Variants in FANK1 observed in about 807,000 individuals in gnomAD.
FANK1 encodes the protein fibronectin type 3 and ankyrin repeat domains protein 1.
A neutral mutation model predicts 45.3 loss-of-function variants in FANK1; 44 were observed. The observed-to-expected ratio is 0.97, with a 90% confidence interval of 0.76 to 1.25. FANK1 has a LOEUF of 1.25. Among genes scored for constraint, FANK1 ranks in the 50% most tolerant of loss-of-function variants. The pLI, the probability that FANK1 is intolerant of heterozygous loss-of-function variation, is 0.00. For missense variants in FANK1, 391 were observed against 424.4 expected, an observed-to-expected ratio of 0.92 and a Z score of 0.69; for synonymous variants, 149 against 152.5, an observed-to-expected ratio of 0.98 and a Z score of 0.17.
chr10:125,953,826 TCTGTGC>T (rs1217671113), intron 1 of FANK1, among the ~76,000 whole-genome samples: 1 of 152,182 alleles, frequency 6.6e-6, no homozygotes, highest in Non-Finnish European at 1.5e-5. Context: ...GGCCTTTGTG[TCTGTGC>T]CTGTAACATG....
intron 1 of FANK1, among the ~76,000 whole-genome samples, chr10:125,914,483 G>C (rs1432401760): frequency 1.3e-5 from 2 of 152,094 alleles, no homozygotes; most frequent in Non-Finnish European, 1.5e-5. Context: ...GCTGGACTGA[G>C]AACTTGTGGA....
intron 3 of FANK1, chr10:125,994,273 T>C: frequency 2.0e-6 from 1 of 508,348 alleles, no homozygotes; most frequent in Non-Finnish European, 2.5e-6. Context: ...AATAACAGGC[T>C]GAAAGCAGGC....
In FANK1 at chr10:126,008,415, C is replaced by T. The variant is rs745846336; in HGVS notation, c.714C>T (p.Val238=). ...WMIKDGCEVD[V]VDTGSGWTPL... ...TTTCTCTGGCCCAACAGGTAGACGT[C>T]GTGGACACTGGTTCAGGATGGACCC... Residue 238 remains valine (V), a synonymous_variant, in exon 8 of 11, where the codon GTC becomes GTT. Transcript: ENST00000368693. 49 of 1,602,632 alleles carry T rather than the reference C, an allele frequency of 3.1e-5. No individual in the cohort carries two copies. The highest frequency in any genetic ancestry group is 3.8e-5 in the Non-Finnish European group (45 of 1,175,628).
intron 6 of FANK1, among the ~76,000 whole-genome samples, chr10:125,997,743 G>C (rs903879764): frequency 1.3e-5 from 2 of 152,236 alleles, no homozygotes; most frequent in African/African-American, 4.8e-5. Context: ...CCTGTGCCCA[G>C]TGGACACGCA....
At chr10:125,947,530 A>G (rs1948896543) in intron 1 of FANK1, among the ~76,000 whole-genome samples, 1 of 151,098 alleles carries the variant, frequency 6.6e-6, no homozygotes, top group Non-Finnish European at 1.5e-5. Context: ...CCATTACATA[A>G]TGGTAAAGGG....
chr10:125,934,722 CCGTT>C (rs1298624040), intron 1 of FANK1, among the ~76,000 whole-genome samples: 1 of 122,978 alleles, frequency 8.1e-6, no homozygotes, highest in African/African-American at 3.2e-5. Flanking sequence ...TGTACCCCTA[CCGTT>C]TTTTTTTTTT....
At chr10:125,905,297 T>C in intron 1 of FANK1, among the ~76,000 whole-genome samples, 1 of 152,298 alleles carries the variant, frequency 6.6e-6, no homozygotes, top group African/African-American at 2.4e-5. Context: ...AAAAAAAATC[T>C]GTCCCTAAAA....
rs141163159 is a variant in FANK1, at chr10:125,930,663, T to C, written c.13+34008T>C. 2.2e-3 allele frequency among the ~76,000 whole-genome samples: 339 copies of C among 152,290 alleles called. 2 individuals carry two copies. Among genetic ancestry groups the C allele is most frequent in the African/African-American group, 7.9e-3 (328 of 41,550 alleles). ...ATCTTCATTGTTCTTCAGTGTCACC[T>C]TTATTATAAATCAAGTACTATATAC... On this transcript the variant is annotated intron_variant, in intron 1 of 10. Transcript: ENST00000368693.
In FANK1 at chr10:126,008,542, C is replaced by T; in HGVS notation, c.841C>T (p.Pro281Ser). The T allele has an allele frequency of 1.2e-6, 2 of 1,609,656 alleles. No homozygotes were observed. The highest frequency in any genetic ancestry group is 2.2e-5 in the South Asian group (2 of 90,008). Residue 281 changes from proline (P) to serine (S), a missense_variant, in exon 8 of 11, where the codon CCC becomes TCC. Physicochemically the swap from Pro to Ser is moderately conservative, Grantham distance 74. Transcript: ENST00000368693. ...VNVKDRNGKT[P>S]LMVAVLNNHE... ...TGTGAAGGACAGAAATGGAAAGACG[C>T]CCCTTATGGTAGGTCCTCCTCCCGA... is the stretch of plus-strand genomic sequence containing the variant.
chr10:125,913,246 C>T (rs1589820432), intron 1 of FANK1, among the ~76,000 whole-genome samples: 1 of 152,168 alleles, frequency 6.6e-6, no homozygotes, highest in East Asian at 1.9e-4. Context: ...CTACATTTTG[C>T]TTGTTGCTCA....
chr10:125,928,099 T>C (rs1947493693), intron 1 of FANK1, among the ~76,000 whole-genome samples: 2 of 152,032 alleles, frequency 1.3e-5, no homozygotes, highest in African/African-American at 2.4e-5. Context: ...CAAGAAAGAA[T>C]TCAGGGCGAG....
chr10:125,957,644 C>T (rs1949663807), intron 1 of FANK1, among the ~76,000 whole-genome samples: 1 of 152,090 alleles, frequency 6.6e-6, no homozygotes, highest in Non-Finnish European at 1.5e-5. Context: ...CATGCCTCAG[C>T]CTCCCGAGAA....
chr10:125,919,464 T>C (rs370288409), intron 1 of FANK1, among the ~76,000 whole-genome samples: 2 of 151,550 alleles, frequency 1.3e-5, no homozygotes, highest in Non-Finnish European at 1.5e-5. Context: ...CCTTGGCCTC[T>C]CAAAGTGCTG....
intron 1 of FANK1, among the ~76,000 whole-genome samples, chr10:125,936,315 A>C (rs1163427823): frequency 1.3e-5 from 2 of 151,922 alleles, no homozygotes; most frequent in Non-Finnish European, 2.9e-5. Context: ...TCCTTAACTG[A>C]AATTTAAACA....
intron 1 of FANK1, among the ~76,000 whole-genome samples, chr10:125,920,206 G>GA (rs1946846859): frequency 6.6e-6 from 1 of 152,132 alleles, no homozygotes; most frequent in African/African-American, 2.4e-5. Flanking sequence ...GACATAGGCC[G>GA]AAAAAATTGG....
At chr10:125,939,935 T>C (rs1273743046) in intron 1 of FANK1, among the ~76,000 whole-genome samples, 10 of 139,890 alleles carry the variant, frequency 7.1e-5, no homozygotes, top group Non-Finnish European at 1.3e-4. Context: ...ATTATTATTA[T>C]TTTTTTTTTT....
chr10:125,912,481 TG>T (rs1946101894), intron 1 of FANK1, among the ~76,000 whole-genome samples: 5 of 129,780 alleles, frequency 3.9e-5, no homozygotes, highest in Admixed American at 7.5e-5. Flanking sequence ...TGTGTGTGTG[TG>T]TGTGTTTTTG....
At chr10:125,995,563 G>C in intron 4 of FANK1, 65 bp downstream of exon 4, 1 of 1,443,880 alleles carries the variant, frequency 6.9e-7, no homozygotes, top group Non-Finnish European at 9.7e-7. Flanking sequence ...AATACATGCA[G>C]TAGTTTCATT....
chr10:125,995,953 C>T (rs1419260606), intron 4 of FANK1, among the ~76,000 whole-genome samples: 1 of 152,234 alleles, frequency 6.6e-6, no homozygotes, highest in African/African-American at 2.4e-5. Context: ...TTACCTTCTA[C>T]ATGAAAAGTA....
Sources: allele counts gnomAD v4.1 joint callset (sites outside exome capture counted in the v4.1 genomes callset), GRCh38; gene constraint gnomAD v4.1.1; transcripts MANE v1.5; gene names NCBI Gene and HGNC (gene_info 2026-07-23, HGNC 2026-07-21).